CBFA2T3: variants seen among roughly 807,000 people sequenced by gnomAD.
CBFA2T3 encodes CBFA2/RUNX1 partner transcriptional co-repressor 3, also known as transcriptional corepressor CBFA2T3.
CBFA2T3 carries 31 observed loss-of-function variants against 58.6 expected under a neutral mutation model. The ratio of observed to expected loss-of-function variants is 0.53; its 90% CI spans 0.40 to 0.71. The LOEUF is 0.71. Among genes scored for constraint, CBFA2T3 ranks in the 30% least tolerant of loss-of-function variants. The probability of loss-of-function intolerance (pLI) is 0.00; values close to 1 mark genes in which losing one functional copy is unlikely to be tolerated. For missense variants in CBFA2T3, 1,076 were observed against 963.1 expected, an observed-to-expected ratio of 1.12 and a Z score of -1.55; for synonymous variants, 531 against 421.9, an observed-to-expected ratio of 1.26 and a Z score of -3.17.
chr16:88,912,034 G>C (rs1034804757), intron 1 of CBFA2T3, among the ~76,000 whole-genome samples: 2 of 152,272 alleles, frequency 1.3e-5, no homozygotes, highest in Non-Finnish European at 2.9e-5. Flanking sequence ...TGTCACAGAA[G>C]TGCTGCTGAA....
At chr16:88,973,043 G>A (rs1410803725) in intron 1 of CBFA2T3, among the ~76,000 whole-genome samples, 3 of 152,220 alleles carry the variant, frequency 2.0e-5, no homozygotes, top group Non-Finnish European at 4.4e-5. Context: ...TGATCCACCA[G>A]CTCCAAAGCC....
intron 3 of CBFA2T3, among the ~76,000 whole-genome samples, chr16:88,893,519 G>A (rs981593084): frequency 6.6e-6 from 1 of 152,202 alleles, no homozygotes; most frequent in African/African-American, 2.4e-5. Context: ...GTTCCAGGGG[G>A]CAGAGGAGCT....
intron 1 of CBFA2T3, among the ~76,000 whole-genome samples, chr16:88,972,321 C>A (rs113523370): frequency 6.6e-6 from 1 of 152,102 alleles, no homozygotes; most frequent in East Asian, 1.9e-4. Context: ...GTGGAGCCTC[C>A]GGTGGGGAGA....
rs187308633 is a variant in CBFA2T3, at chr16:88,948,776, G to A, written c.151+27881C>T. Reference sequence around the variant, plus strand: ...TTTTTCCTGTAAAACGGGGCTAAGAGCTGGCTGGCCTACACATTTGCAATG... The same window carrying A: ...TTTTTCCTGTAAAACGGGGCTAAGAACTGGCTGGCCTACACATTTGCAATG... On this transcript the variant is annotated intron_variant, in intron 1 of 11. Coordinates refer to ENST00000268679, the MANE Select transcript of CBFA2T3 (RefSeq NM_005187.6). Among the ~76,000 whole-genome samples, 13 of 152,346 alleles carry A rather than the reference G, an allele frequency of 8.5e-5. No homozygotes were observed. The East Asian group carries it at 2.5e-3, about 29-fold the overall frequency.
chr16:88,901,503 CGT>C lies in CBFA2T3; in HGVS notation c.303_304del (p.His102SerfsTer164). ...TCGGCTGCCAGGTGGGGGCTACTTA[CGT>C]GTGTGTGGCGTGAAGGAGGGGGGGC... On this transcript the variant is annotated frameshift_variant and splice_region_variant, in exon 2 of 12. Coordinates refer to ENST00000268679, the MANE Select transcript of CBFA2T3 (RefSeq NM_005187.6). LOFTEE classifies it high-confidence loss of function. 1.4e-6 allele frequency: 2 copies of C among 1,465,696 alleles called. No homozygotes were observed. The highest frequency in any genetic ancestry group is 1.8e-6 in the Non-Finnish European group (2 of 1,109,972). 90.8% of individuals were successfully genotyped at this position (1,465,696 alleles called of 1,614,324 possible).
chr16:88,964,033 G>A (rs1668545590), intron 1 of CBFA2T3, among the ~76,000 whole-genome samples: 1 of 152,244 alleles, frequency 6.6e-6, no homozygotes, highest in Non-Finnish European at 1.5e-5. Context: ...CCCTGCACCT[G>A]TGAGGTAGGT....
intron 1 of CBFA2T3, among the ~76,000 whole-genome samples, chr16:88,926,812 G>A (rs1019790881): frequency 1.3e-5 from 2 of 152,204 alleles, no homozygotes; most frequent in Non-Finnish European, 2.9e-5. Flanking sequence ...GTGCACCGTG[G>A]GCTCCCAGGA....
At position 88,881,273 on chromosome 16, in the gene CBFA2T3, C is replaced by G. The variant is rs534264933; in HGVS notation, c.1402+18G>C. 6.9e-6 allele frequency: 11 copies of G among 1,594,328 alleles called. No individual in the cohort carries two copies. Among genetic ancestry groups the G allele is most frequent in the Non-Finnish European group, 9.4e-6 (11 of 1,172,064 alleles). On this transcript the variant is annotated intron_variant, in intron 9 of 11. Coordinates refer to ENST00000268679, the MANE Select transcript of CBFA2T3 (RefSeq NM_005187.6). ...GAGCACCCCGTGTCTGCTCCCTCCC[C>G]CCACACCCCACACGCACCTAGCTGA...
At position 88,976,921 on chromosome 16, in the gene CBFA2T3, G is replaced by C. The variant is rs911550036; in HGVS notation, c.-114C>G. 1.5e-6 allele frequency: 2 copies of C among 1,330,940 alleles called. No individual in the cohort carries two copies. The highest frequency in any genetic ancestry group is 2.9e-5 in the African/African-American group (2 of 67,974). 82.4% of individuals were successfully genotyped at this position (1,330,940 alleles called of 1,614,324 possible). A position where few individuals can be genotyped will look rare whatever the true frequency, so the allele number is the denominator to read the frequency against. ...AAGAGGAGGGGCTGGGCCAGCTGGG[G>C]CGTCCTGGAGTTGGGCCTCTGTCCC... On this transcript the variant is annotated 5_prime_UTR_variant, in exon 1 of 12. Coordinates refer to ENST00000268679, the MANE Select transcript of CBFA2T3 (RefSeq NM_005187.6).
intron 2 of CBFA2T3, among the ~76,000 whole-genome samples, chr16:88,900,842 C>T (rs1299382652): frequency 6.6e-6 from 1 of 152,266 alleles, no homozygotes; most frequent in African/African-American, 2.4e-5. Context: ...CACAGCCTCC[C>T]AGGGCCCACC....
intron 3 of CBFA2T3, among the ~76,000 whole-genome samples, chr16:88,894,558 A>G (rs1351070801): frequency 7.2e-6 from 1 of 138,638 alleles, no homozygotes; most frequent in Non-Finnish European, 1.5e-5. Flanking sequence ...ACACACATGC[A>G]CACACACATG....
At position 88,898,167 on chromosome 16, in the gene CBFA2T3, A is replaced by C. The variant is rs1355479165; in HGVS notation, c.305-15T>G. The C allele has an allele frequency of 2.1e-5, 33 of 1,605,026 alleles. No individual in the cohort carries two copies. Among genetic ancestry groups the C allele is most frequent in the African/African-American group, 2.7e-5 (2 of 74,836 alleles). On this transcript the variant is annotated splice_polypyrimidine_tract_variant and intron_variant, in intron 2 of 11. Transcript: ENST00000268679. ...GTCCTCTCGATCTGTAAGCAAAATA[A>C]GAAGAACACGCTGTCAGGAGGGGCG...
In CBFA2T3 at chr16:88,976,866, C is replaced by G. The variant is rs1252525529; in HGVS notation, c.-59G>C. On this transcript the variant is annotated 5_prime_UTR_variant, in exon 1 of 12. Transcript: ENST00000268679. ...CCAGGACAGGCCTCTACCAGGACTG[C>G]CTTTCCCGACCTCCTGCAGCCTTGA... 1 of 1,499,412 alleles carries G rather than the reference C, an allele frequency of 6.7e-7. No individual in the cohort carries two copies. Among genetic ancestry groups the G allele is most frequent in the Non-Finnish European group, 9.0e-7 (1 of 1,112,676 alleles). The allele number at this position is 1,499,412 out of a possible 1,614,324, so 92.9% of individuals were successfully genotyped here.
intron 5 of CBFA2T3, among the ~76,000 whole-genome samples, chr16:88,888,171 G>C (rs1257486693): frequency 6.6e-6 from 1 of 151,894 alleles, no homozygotes; most frequent in South Asian, 2.1e-4. Context: ...CCCAAGCCAG[G>C]GCTGGGGTTC....
chr16:88,942,219 G>A (rs1971767947), intron 1 of CBFA2T3, among the ~76,000 whole-genome samples: 1 of 152,208 alleles, frequency 6.6e-6, no homozygotes, highest in African/African-American at 2.4e-5. Flanking sequence ...AGTACTTTGT[G>A]GCGTGTCTGG....
intron 5 of CBFA2T3, among the ~76,000 whole-genome samples, chr16:88,890,743 G>A (rs190733859): frequency 7.7e-4 from 117 of 152,224 alleles, no homozygotes; most frequent in African/African-American, 2.7e-3. Context: ...CAGAGACAGG[G>A]TGTTGCTCTG....
intron 1 of CBFA2T3, among the ~76,000 whole-genome samples, chr16:88,927,859 G>C (rs1971134778): frequency 6.6e-6 from 1 of 152,182 alleles, no homozygotes; most frequent in Non-Finnish European, 1.5e-5. Flanking sequence ...GGGCTGCACG[G>C]GCCACGATGG....
chr16:88,905,152 G>T (rs553200875), intron 1 of CBFA2T3, among the ~76,000 whole-genome samples: 1 of 152,088 alleles, frequency 6.6e-6, no homozygotes, highest in East Asian at 1.9e-4. Flanking sequence ...AGTGGGCAGC[G>T]GGGAGTCTGG....
rs535005481 is a variant in CBFA2T3, at chr16:88,879,403, G to A, written c.1529C>T (p.Ser510Leu). 8.0e-5 allele frequency: 129 copies of A among 1,612,864 alleles called. No individual in the cohort carries two copies. In the South Asian group the frequency reaches 1.0e-3, roughly 13 times the overall value. Residue 510 changes from serine (S) to leucine (L), a missense_variant, in exon 11 of 12, where the codon TCG becomes TTG. Physicochemically the swap from Ser to Leu is moderately radical, Grantham distance 145. Coordinates refer to ENST00000268679, the MANE Select transcript of CBFA2T3 (RefSeq NM_005187.6). ...QAMSELQKAVSDAERKAHELI... is the reference protein window; with the variant it reads ...QAMSELQKAVLDAERKAHELI... ...CTCGTGCGCTTTGCGCTCCGCGTCC[G>A]ACACGGCTTTCTGCAGCTCCGACAT...
Sources: gnomAD v4.1 joint callset for allele counts (sites outside exome capture counted in the v4.1 genomes callset) on GRCh38, gnomAD v4.1.1 for gene constraint, MANE v1.5 for transcripts, NCBI Gene and HGNC (gene_info 2026-07-23, HGNC 2026-07-21) for gene names.